Variants in F13A1 observed in about 807,000 individuals in gnomAD.
The protein encoded by F13A1 is FSF, A subunit.
A neutral mutation model predicts 80.1 loss-of-function variants in F13A1; 47 were observed. That is an observed-to-expected ratio of 0.59 (90% CI 0.46 to 0.75). The LOEUF (loss-of-function observed/expected upper bound fraction) is 0.75. Among genes scored for constraint, F13A1 ranks in the 30% least tolerant of loss-of-function variants. F13A1 has a pLI of 0.00. For missense variants in F13A1, 817 were observed against 930.4 expected, an observed-to-expected ratio of 0.88 and a Z score of 1.59; for synonymous variants, 349 against 344.9, an observed-to-expected ratio of 1.01 and a Z score of -0.13.
At chr6:6,164,167 T>C (rs2151071822) in intron 13 of F13A1, among the ~76,000 whole-genome samples, 1 of 152,006 alleles carries the variant, frequency 6.6e-6, no homozygotes, top group South Asian at 2.1e-4. Context: ...TGAACATAGA[T>C]ATGGCCAACA....
chr6:6,255,323 C>T (rs774602703), intron 4 of F13A1, among the ~76,000 whole-genome samples: 5 of 152,122 alleles, frequency 3.3e-5, no homozygotes, highest in Non-Finnish European at 5.9e-5. Context: ...CTCATCAACA[C>T]TCATAACATC....
chr6:6,192,454 T>G (rs1761217932), intron 10 of F13A1, among the ~76,000 whole-genome samples: 1 of 152,126 alleles, frequency 6.6e-6, no homozygotes, highest in African/African-American at 2.4e-5. Flanking sequence ...ATGATAATTT[T>G]GGGAAGGTAT....
At chr6:6,175,706 G>A (rs1396434546) in intron 11 of F13A1, among the ~76,000 whole-genome samples, 1 of 152,200 alleles carries the variant, frequency 6.6e-6, no homozygotes, top group African/African-American at 2.4e-5. Flanking sequence ...CATCTGACAC[G>A]GAGGGCAGTT....
At chr6:6,289,815 A>AT (rs35899540) in intron 3 of F13A1, among the ~76,000 whole-genome samples, 26,145 of 147,708 alleles carry the variant, frequency 0.18, 2,630 homozygotes, top group African/African-American at 0.27. Flanking sequence ...GAACTTTTCT[A>AT]TTTTTTTTTT....
chr6:6,224,455 C>G (rs979072171), intron 7 of F13A1, among the ~76,000 whole-genome samples: 2 of 152,006 alleles, frequency 1.3e-5, no homozygotes, highest in African/African-American at 4.8e-5. Context: ...ATGGATTACA[C>G]AGGATATAGT....
At chr6:6,214,120 C>T (rs1483995957) in intron 8 of F13A1, among the ~76,000 whole-genome samples, 49 of 128,982 alleles carry the variant, frequency 3.8e-4, no homozygotes, top group Non-Finnish European at 6.4e-4. Context: ...GACAGATCAA[C>T]GAGACAGAAA....
intron 5 of F13A1, among the ~76,000 whole-genome samples, chr6:6,249,247 T>C (rs1262131107): frequency 1.3e-5 from 2 of 152,258 alleles, no homozygotes; most frequent in Non-Finnish European, 2.9e-5. Flanking sequence ...CACAATTCTT[T>C]ATTCAGTCCA....
At chr6:6,292,383 C>T (rs1365138907) in intron 3 of F13A1, among the ~76,000 whole-genome samples, 1 of 152,150 alleles carries the variant, frequency 6.6e-6, no homozygotes, top group African/African-American at 2.4e-5. Context: ...CTCACAGACT[C>T]CCCAACACAA....
rs527650772 is a variant in F13A1, at chr6:6,243,189, CCCA to C, written c.798+5120_798+5122del. 1.3e-4 allele frequency among the ~76,000 whole-genome samples: 19 copies of C among 150,020 alleles called. No individual in the cohort carries two copies. In the South Asian group the frequency reaches 4.0e-3, roughly 32 times the overall value. On this transcript the variant is annotated intron_variant, in intron 6 of 14. Coordinates refer to ENST00000264870, the MANE Select transcript of F13A1 (RefSeq NM_000129.4). The surrounding 1 kb of genome is among the most constrained non-coding windows in gnomAD (Gnocchi z 4.2). ...CATCACCACCACTACCACCATCACT[CCCA>C]CCACCATCACTCCTACCATCACCAC...
At chr6:6,156,698 C>T (rs927236041) in intron 13 of F13A1, among the ~76,000 whole-genome samples, 7 of 152,124 alleles carry the variant, frequency 4.6e-5, no homozygotes, top group African/African-American at 1.7e-4. Context: ...GCTAATGGTT[C>T]TAGGGTGGTT....
intron 5 of F13A1, among the ~76,000 whole-genome samples, chr6:6,248,915 T>C (rs1036943122): frequency 6.6e-6 from 1 of 152,162 alleles, no homozygotes; most frequent in East Asian, 1.9e-4. Context: ...GGAGACCTCA[T>C]ATAGTGACTG....
At chr6:6,293,614 G>A (rs960524128) in intron 3 of F13A1, among the ~76,000 whole-genome samples, 7 of 152,006 alleles carry the variant, frequency 4.6e-5, no homozygotes, top group African/African-American at 9.7e-5. Context: ...TCATCAAGCC[G>A]TGGCCAGGTA....
chr6:6,300,217 G>GCCCCC (rs1186904856), intron 3 of F13A1, among the ~76,000 whole-genome samples: 2 of 72,548 alleles, frequency 2.8e-5, no homozygotes, highest in African/African-American at 5.2e-4. Flanking sequence ...TCTGTGCCCT[G>GCCCCC]AGGTGGAGCC....
chr6:6,212,571 G>A (rs1391746294), intron 8 of F13A1, among the ~76,000 whole-genome samples: 1 of 152,184 alleles, frequency 6.6e-6, no homozygotes, highest in Non-Finnish European at 1.5e-5. Context: ...AAACCACAAA[G>A]ATGGGGAAAA....
intron 10 of F13A1, among the ~76,000 whole-genome samples, chr6:6,188,582 G>T: frequency 8.0e-6 from 1 of 125,020 alleles, no homozygotes; most frequent in Non-Finnish European, 1.7e-5. Flanking sequence ...ACTGTGGTCT[G>T]AGAGATAGTT....
intron 6 of F13A1, among the ~76,000 whole-genome samples, chr6:6,245,921 C>T (rs1348683201): frequency 2.0e-5 from 3 of 152,192 alleles, no homozygotes; most frequent in African/African-American, 7.2e-5. Flanking sequence ...GCCTCTATGA[C>T]CAGGCTGGGA....
At chr6:6,269,113 C>T (rs530763707) in intron 3 of F13A1, among the ~76,000 whole-genome samples, 2 of 152,106 alleles carry the variant, frequency 1.3e-5, no homozygotes, top group Non-Finnish European at 1.5e-5. Flanking sequence ...AAGGAAAGTA[C>T]GTTACTTGTG....
intron 8 of F13A1, among the ~76,000 whole-genome samples, chr6:6,211,416 T>C (rs1761606503): frequency 6.6e-6 from 1 of 152,200 alleles, no homozygotes; most frequent in Non-Finnish European, 1.5e-5. Flanking sequence ...AAAATAAGCA[T>C]CTCTGATAAC....
At chr6:6,160,094 T>C (rs1488498992) in intron 13 of F13A1, among the ~76,000 whole-genome samples, 2 of 151,718 alleles carry the variant, frequency 1.3e-5, no homozygotes, top group Non-Finnish European at 2.9e-5. Flanking sequence ...CTGGCCAACG[T>C]GGTGAAACCC....
Sources: gnomAD v4.1 joint callset for allele counts (sites outside exome capture counted in the v4.1 genomes callset) on GRCh38, gnomAD v4.1.1 for gene constraint, Gnocchi (gnomAD v3.1) non-coding constraint, MANE v1.5 for transcripts, NCBI Gene and HGNC (gene_info 2026-07-23, HGNC 2026-07-21) for gene names.